The following C8A variants were observed in gnomAD, a reference collection of about 807,000 sequenced individuals.
C8A encodes the protein complement component C8 alpha chain.
Under a neutral mutation model 65.3 loss-of-function variants are expected in C8A, and 67 were observed. The observed-to-expected ratio is 1.03, with a 90% CI of 0.84 to 1.26. The LOEUF is 1.26. Ranked by LOEUF, C8A falls within the 50% of genes most tolerant of loss-of-function variation. The pLI, the probability that C8A is intolerant of heterozygous loss-of-function variation, is 0.00. For synonymous variants in C8A, 290 were observed against 259.4 expected, an observed-to-expected ratio of 1.12 and a Z score of -1.13; for missense variants, 781 against 723.9, an observed-to-expected ratio of 1.08 and a Z score of -0.90.
At chr1:56,864,396 T>C (rs1644063939) in intron 1 of C8A, among the ~76,000 whole-genome samples, 1 of 152,040 alleles carries the variant, frequency 6.6e-6, no homozygotes, top group Non-Finnish European at 1.5e-5. Flanking sequence ...AGAGGGGGTC[T>C]TATTGAAAGG....
intron 4 of C8A, among the ~76,000 whole-genome samples, chr1:56,877,849 A>G (rs645846): frequency 0.33 from 49,477 of 151,956 alleles, 8,684 homozygotes; most frequent in South Asian, 0.5. Flanking sequence ...TTGCTCTGAG[A>G]TCAGAGCCCA....
chr1:56,913,019 A>T (rs1644522450), intron 10 of C8A, among the ~76,000 whole-genome samples: 1 of 152,146 alleles, frequency 6.6e-6, no homozygotes, highest in South Asian at 2.1e-4. Context: ...TTCCTGCCAG[A>T]GACTGGGGGA....
At chr1:56,915,038 T>C (rs1266055650) in intron 10 of C8A, among the ~76,000 whole-genome samples, 1 of 152,206 alleles carries the variant, frequency 6.6e-6, no homozygotes, top group Non-Finnish European at 1.5e-5. Context: ...AATGAGATTA[T>C]ATTGGAACCT....
chr1:56,880,276 G>A (rs535034619), intron 4 of C8A, among the ~76,000 whole-genome samples: 15 of 151,954 alleles, frequency 9.9e-5, no homozygotes, highest in African/African-American at 1.5e-4. Context: ...CATGGAACCC[G>A]GGTTGATGAT....
At chr1:56,895,865 C>G (rs1644383929) in intron 7 of C8A, among the ~76,000 whole-genome samples, 1 of 152,106 alleles carries the variant, frequency 6.6e-6, no homozygotes, top group South Asian at 2.1e-4. Context: ...GGGAGGATCA[C>G]TTGAGCCTGG....
Position 56,875,007 on chromosome 1 carries a change from A to C in C8A, c.230A>C (p.Asp77Ala). Residue 77 changes from aspartate (D) to alanine (A), a missense_variant, in exon 3 of 11, where the codon GAC becomes GCC. Coordinates refer to ENST00000361249, the MANE Select transcript of C8A (RefSeq NM_000562.3). The stretch of plus-strand genomic sequence containing the variant: ...TTTGGGGGAACCATCTGCAGTGGTG[A>C]CATCTGGGATCAAGCCAGCTGCTCC... ...NKFGGTICSG[D>A]IWDQASCSSS... The C allele has an allele frequency of 6.2e-7, 1 of 1,613,782 alleles. No homozygotes were observed. The highest frequency in any genetic ancestry group is 8.5e-7 in the Non-Finnish European group (1 of 1,179,838).
intron 7 of C8A, among the ~76,000 whole-genome samples, chr1:56,902,060 T>C (rs1349861618): frequency 6.6e-6 from 1 of 152,160 alleles, no homozygotes; most frequent in Non-Finnish European, 1.5e-5. Context: ...ATCATGGCAT[T>C]AGAGGTCACC....
chr1:56,895,686 C>T (rs1445369394), intron 7 of C8A, among the ~76,000 whole-genome samples: 4 of 152,140 alleles, frequency 2.6e-5, no homozygotes, highest in African/African-American at 9.7e-5. Context: ...TTCTTGTAAT[C>T]CTAGCATTTT....
intron 7 of C8A, among the ~76,000 whole-genome samples, chr1:56,903,840 C>T (rs1170038069): frequency 6.6e-6 from 1 of 152,180 alleles, no homozygotes; most frequent in Non-Finnish European, 1.5e-5. Flanking sequence ...AGAGGTTGGG[C>T]CTAGTTACCT....
intron 6 of C8A, among the ~76,000 whole-genome samples, chr1:56,885,297 T>C (rs1212797497): frequency 7.5e-6 from 1 of 132,568 alleles, no homozygotes; most frequent in East Asian, 2.0e-4. Flanking sequence ...TAAATATATA[T>C]TTATATATAT....
At chr1:56,883,713 A>G in intron 6 of C8A, 32 bp downstream of exon 6, 2 of 1,547,554 alleles carry the variant, frequency 1.3e-6, no homozygotes, top group Non-Finnish European at 1.8e-6. Context: ...GTCTCACAGT[A>G]TTCCATAATA....
In C8A at chr1:56,878,594, T is replaced by A. The variant is rs545772276; in HGVS notation, c.464+2385T>A. On this transcript the variant is annotated intron_variant, in intron 4 of 10. Transcript: ENST00000361249. ...TGATGGTTCTTCTATTTATCTCAGA[T>A]CTCAAAGGCCTTCCTTTCTTGCTCT... Among the ~76,000 whole-genome samples, 4 of 152,292 alleles carry A rather than the reference T, an allele frequency of 2.6e-5. No individual in the cohort carries two copies. In the South Asian group the frequency reaches 6.2e-4, roughly 24 times the overall value.
chr1:56,897,845 C>T (rs1365585954), intron 7 of C8A, among the ~76,000 whole-genome samples: 6 of 152,094 alleles, frequency 3.9e-5, no homozygotes, highest in Non-Finnish European at 7.4e-5. Context: ...ACTGAGCACC[C>T]GTGATTTCTG....
rs1166098035 is a variant in C8A, at chr1:56,860,557, TAGA to T, written c.77+5585_77+5587del. ...GAGAATGGATTGGAGAAAGGTAAAGTAGAAGAAGGTCTTGGCCCACAGGAAGGC... is the reference window on the plus strand; with the variant it reads ...GAGAATGGATTGGAGAAAGGTAAAGTAGAAGGTCTTGGCCCACAGGAAGGC... On this transcript the variant is annotated intron_variant, in intron 1 of 10. Coordinates refer to ENST00000361249, the MANE Select transcript of C8A (RefSeq NM_000562.3). 2.6e-5 allele frequency among the ~76,000 whole-genome samples: 4 copies of T among 152,240 alleles called. 1 individual carries two copies. In the South Asian group the frequency reaches 6.2e-4, roughly 24 times the overall value.
chr1:56,875,227 G>A (rs1470150518), intron 3 of C8A, 134 bp downstream of exon 3: 4 of 1,018,470 alleles, frequency 3.9e-6, no homozygotes, highest in Non-Finnish European at 5.9e-6. Context: ...GTTTGGGATG[G>A]GTCCTAGGAA....
chr1:56,883,370 A>G (rs1200470583), intron 5 of C8A, 111 bp from the exon 6 acceptor site: 7 of 906,660 alleles, frequency 7.7e-6, no homozygotes, highest in East Asian at 2.6e-5. Context: ...AGAATTACCT[A>G]CCATAATCTA....
chr1:56,902,684 C>A lies in C8A; in HGVS notation c.1097-3983C>A, dbSNP rs957463855. ...CCAGCCCCTGGCAACAACCATGATA[C>A]CCTTTGATTCTATATATCTGACTAT... is the stretch of plus-strand genomic sequence containing the variant. On this transcript the variant is annotated intron_variant, in intron 7 of 10. Coordinates refer to ENST00000361249, the MANE Select transcript of C8A (RefSeq NM_000562.3). Among the ~76,000 whole-genome samples the A allele has an allele frequency of 1.9e-4, 29 of 152,140 alleles. No homozygotes were observed. In the South Asian group the frequency reaches 2.3e-3, roughly 12 times the overall value.
intron 4 of C8A, among the ~76,000 whole-genome samples, chr1:56,877,603 C>T (rs1644210982): frequency 6.6e-6 from 1 of 152,130 alleles, no homozygotes. Flanking sequence ...TCTTTGAGGG[C>T]AGAGGTTGCT....
chr1:56,883,239 G>C (rs1401882262), intron 5 of C8A, among the ~76,000 whole-genome samples: 1 of 152,052 alleles, frequency 6.6e-6, no homozygotes, highest in Non-Finnish European at 1.5e-5. Flanking sequence ...GTGTGTGTGT[G>C]TGTGTGTGCA....
Sources: gnomAD v4.1 joint callset for allele counts (sites outside exome capture counted in the v4.1 genomes callset) on GRCh38, gnomAD v4.1.1 for gene constraint, MANE v1.5 for transcripts, NCBI Gene and HGNC (gene_info 2026-07-23, HGNC 2026-07-21) for gene names.